PDZD8: variants seen among roughly 807,000 people sequenced by gnomAD.
PDZD8 encodes the protein PDZ domain containing 8, also known as PDZ domain-containing protein 8.
A neutral mutation model predicts 85.8 loss-of-function variants in PDZD8; 14 were observed. The observed-to-expected ratio is 0.16, with a 90% CI of 0.11 to 0.26. The LOEUF (loss-of-function observed/expected upper bound fraction) is 0.26. Ranked by LOEUF, PDZD8 falls within the 10% of genes least tolerant of loss-of-function variation. PDZD8 has a pLI of 1.00. For synonymous variants in PDZD8, 592 were observed against 568.6 expected, an observed-to-expected ratio of 1.04 and a Z score of -0.59; for missense variants, 1,197 against 1,424.3, an observed-to-expected ratio of 0.84 and a Z score of 2.57.
intron 1 of PDZD8, among the ~76,000 whole-genome samples, chr10:117,367,409 A>AAAAC (rs147491441): frequency 0.05 from 7,617 of 151,300 alleles, 607 homozygotes; most frequent in African/African-American, 0.17. Flanking sequence ...ACTCCGTCTC[A>AAAAC]AAACAAACAA....
In PDZD8 at chr10:117,374,142, G is replaced by A. The variant is rs1028435700; in HGVS notation, c.872+214C>T. Reference sequence around the variant, plus strand: ...CGTTGACAGCACCCTGAGTCCCCATGAACACGCGAAAAGGTTTCTAGCTCC... The same window carrying A: ...CGTTGACAGCACCCTGAGTCCCCATAAACACGCGAAAAGGTTTCTAGCTCC... On this transcript the variant is annotated intron_variant, in intron 1 of 4. Coordinates refer to ENST00000334464, the MANE Select transcript of PDZD8 (RefSeq NM_173791.5). This position sits in a 1 kb window ranked among gnomAD's most constrained non-coding sequence, Gnocchi z 7.8. Among the ~76,000 whole-genome samples, 10 of 152,192 alleles carry A rather than the reference G, an allele frequency of 6.6e-5. No homozygotes were observed. The highest frequency in any genetic ancestry group is 2.4e-4 in the African/African-American group (10 of 41,446).
intron 3 of PDZD8, among the ~76,000 whole-genome samples, chr10:117,296,575 T>C (rs1171594273): frequency 1.3e-5 from 2 of 152,078 alleles, no homozygotes; most frequent in Non-Finnish European, 2.9e-5. Flanking sequence ...TTGCTATATG[T>C]TAGATAAATC....
chr10:117,290,318 C>A lies in PDZD8; in HGVS notation c.1129G>T (p.Val377Phe). 6.2e-7 allele frequency: 1 copy of A among 1,603,638 alleles called. No homozygotes were observed. Among genetic ancestry groups the A allele is most frequent in the Non-Finnish European group, 8.5e-7 (1 of 1,176,208 alleles). Residue 377 changes from valine to phenylalanine, a missense_variant, in exon 4 of 5, where the codon GTT (valine) becomes TTT (phenylalanine). By Grantham distance (50) the Val-to-Phe change is conservative. Transcript: ENST00000334464. The part of the protein sequence containing the change: ...VELIKGNLQS[V>F]GLTLRLVQST... ...TGGACAAGACGAAGTGTAAGTCCAA[C>A]ACTTTGTAAATTTCCTTTTATTAAT...
intron 2 of PDZD8, among the ~76,000 whole-genome samples, chr10:117,329,434 C>T (rs1844377341): frequency 6.6e-6 from 1 of 151,976 alleles, no homozygotes; most frequent in Non-Finnish European, 1.5e-5. Context: ...ATGTTAAGAT[C>T]GTTTACATGA....
chr10:117,328,056 G>A (rs377207896), intron 2 of PDZD8, among the ~76,000 whole-genome samples: 11 of 152,052 alleles, frequency 7.2e-5, no homozygotes, highest in African/African-American at 2.7e-4. Context: ...TTAAGGATTT[G>A]TTTTGCTCCA....
At chr10:117,306,073 T>G (rs555643483) in intron 3 of PDZD8, among the ~76,000 whole-genome samples, 1 of 152,274 alleles carries the variant, frequency 6.6e-6, no homozygotes, top group African/African-American at 2.4e-5. Context: ...TCAAGAAGAT[T>G]TCTTTCTGGA....
intron 1 of PDZD8, among the ~76,000 whole-genome samples, chr10:117,362,752 A>C (rs1845019664): frequency 6.6e-6 from 1 of 152,140 alleles, no homozygotes; most frequent in East Asian, 1.9e-4. Context: ...ATTTAGATAC[A>C]CTGTATTCAC....
intron 1 of PDZD8, among the ~76,000 whole-genome samples, chr10:117,366,467 GTTTTT>G (rs199919559): frequency 6.6e-6 from 1 of 150,884 alleles, no homozygotes; most frequent in Non-Finnish European, 1.5e-5. Flanking sequence ...TATTTTTAGG[GTTTTT>G]TTTTAAAGTT....
intron 3 of PDZD8, among the ~76,000 whole-genome samples, chr10:117,314,734 G>C (rs1054220310): frequency 2.6e-5 from 4 of 152,242 alleles, no homozygotes; most frequent in South Asian, 2.1e-4. Flanking sequence ...AAGGGCAAAA[G>C]CTTCTTTTAT....
intron 2 of PDZD8, 26 bp downstream of exon 2, chr10:117,340,954 T>A: frequency 6.2e-7 from 1 of 1,613,026 alleles, no homozygotes; most frequent in Non-Finnish European, 8.5e-7. Context: ...TCCCGTAACT[T>A]AGTAATGACA....
rs62641699 is a variant in PDZD8, at chr10:117,341,084, T to C, written c.891A>G (p.Pro297=). The C allele has an allele frequency of 1.2e-6, 2 of 1,613,592 alleles. No individual in the cohort carries two copies. The highest frequency in any genetic ancestry group is 3.3e-5 in the Admixed American group (2 of 60,008). The change falls in exon 2 of 5, where the codon CCA becomes CCG. Residue 297 remains proline, a synonymous_variant. Coordinates refer to ENST00000334464, the MANE Select transcript of PDZD8 (RefSeq NM_173791.5). ...CTTCAAATCCTTGCAAGGTCTGGTA[T>C]GGAAAAAACGGCTTAAACCTGACAA... ...NYKIRFKPFF[P]YQTLQGFEED...
In PDZD8 at chr10:117,340,963, C is replaced by A; in HGVS notation, c.995+17G>T. The A allele has an allele frequency of 6.2e-7, 1 of 1,613,492 alleles. No individual in the cohort carries two copies. On this transcript the variant is annotated intron_variant, in intron 2 of 4. Transcript: ENST00000334464. ...TGTTCTTCCCGTAACTTAGTAATGACAAAACAAAGAACATACCTGCTACAT... is the reference window on the plus strand; with the variant it reads ...TGTTCTTCCCGTAACTTAGTAATGAAAAAACAAAGAACATACCTGCTACAT...
rs144933153 is a variant in PDZD8 at position 117,372,046 on chromosome 10, T to C, written c.872+2310A>G. Among the ~76,000 whole-genome samples, 10 of 152,368 alleles carry C rather than the reference T, an allele frequency of 6.6e-5. No homozygotes were observed. In the East Asian group the frequency reaches 1.9e-3, roughly 29 times the overall value. ...GCTGAGTTCAAGTATTGTTCAGTAC[T>C]GAAATCCCAGCATCTACAACAAGGA... On this transcript the variant is annotated intron_variant, in intron 1 of 4. Coordinates refer to ENST00000334464, the MANE Select transcript of PDZD8 (RefSeq NM_173791.5).
chr10:117,339,128 CAAA>C (rs71013660), intron 2 of PDZD8, among the ~76,000 whole-genome samples: 13 of 129,406 alleles, frequency 1.0e-4, no homozygotes, highest in African/African-American at 3.6e-4. Context: ...TGGACTTAAC[CAAA>C]AAAAAAAAAA....
At chr10:117,313,054 T>C (rs946286589) in intron 3 of PDZD8, among the ~76,000 whole-genome samples, 3 of 152,206 alleles carry the variant, frequency 2.0e-5, no homozygotes, top group African/African-American at 7.2e-5. Context: ...TTTGGATTTA[T>C]TTCTTACATA....
chr10:117,363,888 A>G (rs943744442), intron 1 of PDZD8, among the ~76,000 whole-genome samples: 1 of 152,222 alleles, frequency 6.6e-6, no homozygotes, highest in Non-Finnish European at 1.5e-5. Flanking sequence ...GTTCTAAAGC[A>G]TTGTGATTTC....
At chr10:117,313,699 A>AT (rs1236991430) in intron 3 of PDZD8, among the ~76,000 whole-genome samples, 2 of 152,136 alleles carry the variant, frequency 1.3e-5, no homozygotes, top group African/African-American at 4.8e-5. Flanking sequence ...CTCATTTAGC[A>AT]TCTTTGTATC....
chr10:117,298,737 T>C (rs1843797164), intron 3 of PDZD8, among the ~76,000 whole-genome samples: 1 of 151,820 alleles, frequency 6.6e-6, no homozygotes, highest in African/African-American at 2.4e-5. Flanking sequence ...ACAAGGTTGA[T>C]CGATTCTAAA....
chr10:117,351,307 A>T (rs1844802012), intron 1 of PDZD8, among the ~76,000 whole-genome samples: 1 of 152,242 alleles, frequency 6.6e-6, no homozygotes. Flanking sequence ...CTCCACAGCA[A>T]ATATAATGAA....
Sources: allele counts gnomAD v4.1 joint callset (sites outside exome capture counted in the v4.1 genomes callset), GRCh38; gene constraint gnomAD v4.1.1; non-coding constraint Gnocchi (gnomAD v3.1); transcripts MANE v1.5; gene names NCBI Gene and HGNC (gene_info 2026-07-23, HGNC 2026-07-21).